Variants in KIAA1328 observed in about 807,000 individuals in gnomAD.
KIAA1328 encodes protein hinderin.
A neutral mutation model predicts 68.1 loss-of-function variants in KIAA1328; 52 were observed. The observed-to-expected ratio is 0.76, with a 90% CI of 0.61 to 0.96. The LOEUF is 0.96. Among genes scored for constraint, KIAA1328 ranks in the 40% least tolerant of loss-of-function variants. The probability of loss-of-function intolerance (pLI) is 0.00; values close to 1 mark genes in which losing one functional copy is unlikely to be tolerated. For missense variants in KIAA1328, 641 were observed against 677.6 expected (o/e 0.95, Z 0.60); for synonymous variants, 232 against 239.4 (o/e 0.97, Z 0.28).
chr18:36,844,433 A>G (rs2046960600), intron 4 of KIAA1328, 131 bp downstream of exon 4: 2 of 521,866 alleles, frequency 3.8e-6, no homozygotes, highest in South Asian at 5.1e-5. Context: ...TGGAAAAAAG[A>G]CATTCTGTGA....
intron 5 of KIAA1328, among the ~76,000 whole-genome samples, chr18:36,920,357 G>C (rs1315218087): frequency 6.6e-6 from 1 of 152,158 alleles, no homozygotes; most frequent in African/African-American, 2.4e-5. Flanking sequence ...ATTAGAGGTT[G>C]TAAGTGTACA....
chr18:36,971,820 C>A (rs1304938809), intron 6 of KIAA1328, among the ~76,000 whole-genome samples: 1 of 151,552 alleles, frequency 6.6e-6, no homozygotes, highest in Admixed American at 6.6e-5. Flanking sequence ...ATATATGGAC[C>A]CAAAGAGAGG....
intron 9 of KIAA1328, among the ~76,000 whole-genome samples, chr18:37,186,671 A>G (rs1033633513): frequency 6.6e-6 from 1 of 150,668 alleles, no homozygotes; most frequent in African/African-American, 2.5e-5. Flanking sequence ...CATCTTTACT[A>G]TGCCTTTTTA....
intron 9 of KIAA1328, among the ~76,000 whole-genome samples, chr18:37,177,282 G>T (rs998078981): frequency 2.0e-5 from 3 of 152,002 alleles, no homozygotes; most frequent in African/African-American, 7.3e-5. Flanking sequence ...CAGAAATCTT[G>T]TCACCTTTAA....
chr18:37,104,510 G>C (rs966419699), intron 7 of KIAA1328, among the ~76,000 whole-genome samples: 9 of 152,192 alleles, frequency 5.9e-5, no homozygotes, highest in African/African-American at 2.2e-4. Context: ...GAAAGGTGGT[G>C]TGGGAGGAAG....
At chr18:36,989,008 T>C (rs2053060417) in intron 6 of KIAA1328, among the ~76,000 whole-genome samples, 1 of 152,226 alleles carries the variant, frequency 6.6e-6, no homozygotes, top group African/African-American at 2.4e-5. Flanking sequence ...ACTTCCCTGT[T>C]ATTATCATGC....
intron 5 of KIAA1328, among the ~76,000 whole-genome samples, chr18:36,909,240 G>C (rs1004641528): frequency 1.3e-5 from 2 of 151,804 alleles, no homozygotes; most frequent in African/African-American, 4.8e-5. Context: ...CCATTAACTC[G>C]TCATTTACAT....
intron 5 of KIAA1328, among the ~76,000 whole-genome samples, chr18:36,937,519 A>C (rs533227631): frequency 5.9e-5 from 9 of 152,206 alleles, no homozygotes; most frequent in Non-Finnish European, 5.9e-5. Context: ...ACAAGAAAAA[A>C]ATCAACCCAT....
Position 36,885,549 on chromosome 18 carries a change from T to A in KIAA1328, c.333-8T>A, listed in dbSNP as rs201927424. The A allele has an allele frequency of 7.4e-3, 10,615 of 1,442,122 alleles. 3 individuals carry two copies. Among genetic ancestry groups the A allele is most frequent in the Non-Finnish European group, 8.4e-3 (9,071 of 1,075,528 alleles). The allele number at this position is 1,442,122 out of a possible 1,614,324, so 89.3% of individuals were successfully genotyped here. A position where few individuals can be genotyped will look rare whatever the true frequency, so the allele number is the denominator to read the frequency against. ...TAGATGTTAAAGGTTTTTTTTTTTT[T>A]ATTTCAGAGTAAGTGAGGAAAAGGA... is the stretch of plus-strand genomic sequence containing the variant. On this transcript the variant is annotated splice_polypyrimidine_tract_variant and splice_region_variant and intron_variant, in intron 4 of 9. Coordinates refer to ENST00000280020, the MANE Select transcript of KIAA1328 (RefSeq NM_020776.3).
At chr18:36,997,771 A>G (rs1462392907) in intron 6 of KIAA1328, among the ~76,000 whole-genome samples, 1 of 152,198 alleles carries the variant, frequency 6.6e-6, no homozygotes, top group Non-Finnish European at 1.5e-5. Flanking sequence ...TGGGGGCCAC[A>G]GCAGCCAGTG....
At chr18:36,925,101 AG>A (rs2050064293) in intron 5 of KIAA1328, 1 of 152,188 alleles carries the variant, frequency 6.6e-6, no homozygotes, top group South Asian at 2.1e-4. Flanking sequence ...TTTATTATAA[AG>A]ATTATGTATG....
chr18:36,964,825 C>A (rs1312593329), intron 6 of KIAA1328, among the ~76,000 whole-genome samples: 1 of 151,214 alleles, frequency 6.6e-6, no homozygotes, highest in Non-Finnish European at 1.5e-5. Flanking sequence ...ATGGTAGGGT[C>A]TAATAACCAT....
At chr18:36,984,932 AGC>A in intron 6 of KIAA1328, among the ~76,000 whole-genome samples, 1 of 150,362 alleles carries the variant, frequency 6.7e-6, no homozygotes, top group Admixed American at 6.7e-5. Flanking sequence ...AAAAAAATTA[AGC>A]AATATCCTGT....
intron 7 of KIAA1328, among the ~76,000 whole-genome samples, chr18:37,089,371 CTTTT>C (rs3085910): frequency 2.1e-5 from 2 of 95,298 alleles, no homozygotes; most frequent in Admixed American, 1.1e-4. Context: ...AAGGTAGTGG[CTTTT>C]TTTTTTTTTT....
At chr18:36,889,093 TTTC>T (rs2048595679) in intron 5 of KIAA1328, among the ~76,000 whole-genome samples, 1 of 152,114 alleles carries the variant, frequency 6.6e-6, no homozygotes, top group African/African-American at 2.4e-5. Flanking sequence ...TGTTGAAGGG[TTTC>T]TTCTTGTAGA....
chr18:37,131,603 G>A (rs1438393001), intron 7 of KIAA1328, among the ~76,000 whole-genome samples: 2 of 152,100 alleles, frequency 1.3e-5, no homozygotes, highest in African/African-American at 4.8e-5. Context: ...TACACTTGCT[G>A]CACAGACACA....
At chr18:37,066,296 G>A (rs930166524) in intron 6 of KIAA1328, among the ~76,000 whole-genome samples, 8 of 152,180 alleles carry the variant, frequency 5.3e-5, no homozygotes, top group Non-Finnish European at 1.2e-4. Context: ...ACTTATGTTT[G>A]TAGATGAAAT....
intron 5 of KIAA1328, among the ~76,000 whole-genome samples, chr18:36,922,670 A>AT (rs1169761743): frequency 3.3e-5 from 5 of 152,058 alleles, no homozygotes; most frequent in African/African-American, 7.2e-5. Context: ...TGGACAGATA[A>AT]TTTTTTCTTT....
At chr18:36,895,077 A>T (rs2151013814) in intron 5 of KIAA1328, among the ~76,000 whole-genome samples, 1 of 152,234 alleles carries the variant, frequency 6.6e-6, no homozygotes, top group Admixed American at 6.5e-5. Flanking sequence ...TTCTTCAAAA[A>T]TTTTTAAAGT....
Sources: allele counts gnomAD v4.1 joint callset (sites outside exome capture counted in the v4.1 genomes callset), GRCh38; gene constraint gnomAD v4.1.1; transcripts MANE v1.5; gene names NCBI Gene and HGNC (gene_info 2026-07-23, HGNC 2026-07-21).